The following ITGBL1 variants were observed in gnomAD, a reference collection of about 807,000 sequenced individuals.
ITGBL1 encodes the protein integrin subunit beta like 1.
A neutral mutation model predicts 68.5 loss-of-function variants in ITGBL1; 51 were observed. The observed-to-expected ratio is 0.74, with a 90% CI of 0.59 to 0.94. The LOEUF is 0.94. Among genes scored for constraint, ITGBL1 ranks in the 40% least tolerant of loss-of-function variants. The probability of loss-of-function intolerance (pLI) is 0.00; values close to 1 mark genes in which losing one functional copy is unlikely to be tolerated. For synonymous variants in ITGBL1, 209 were observed against 227.3 expected, an observed-to-expected ratio of 0.92 and a Z score of 0.72; for missense variants, 649 against 647.4, an observed-to-expected ratio of 1.00 and a Z score of -0.03.
intron 9 of ITGBL1, chr13:101,711,808 T>C (rs2034480744): frequency 6.6e-6 from 1 of 152,198 alleles, no homozygotes; most frequent in African/African-American, 2.4e-5. Context: ...GGGAACATTC[T>C]CAAGGGTCCT....
At chr13:101,467,793 C>T (rs888319351) in intron 2 of ITGBL1, among the ~76,000 whole-genome samples, 1 of 152,144 alleles carries the variant, frequency 6.6e-6, no homozygotes, top group African/African-American at 2.4e-5. Flanking sequence ...AGTTCAAACA[C>T]CGAATTATTT....
chr13:101,606,661 G>A (rs1247703211), intron 7 of ITGBL1, among the ~76,000 whole-genome samples: 3 of 151,978 alleles, frequency 2.0e-5, no homozygotes, highest in Admixed American at 6.6e-5. Flanking sequence ...GCTATAAGAA[G>A]CAGTGAAAAA....
At chr13:101,503,830 A>G (rs1321593287) in intron 2 of ITGBL1, among the ~76,000 whole-genome samples, 1 of 152,216 alleles carries the variant, frequency 6.6e-6, no homozygotes, top group Non-Finnish European at 1.5e-5. Flanking sequence ...GTTAAAGATG[A>G]TGATGTTTTG....
chr13:101,612,208 G>T (rs556975951), intron 7 of ITGBL1, among the ~76,000 whole-genome samples: 1 of 152,124 alleles, frequency 6.6e-6, no homozygotes, highest in Non-Finnish European at 1.5e-5. Flanking sequence ...TGTGGATGTT[G>T]GTAAATAATA....
chr13:101,531,395 A>G (rs1378783216), intron 2 of ITGBL1, among the ~76,000 whole-genome samples: 2 of 152,084 alleles, frequency 1.3e-5, no homozygotes, highest in African/African-American at 4.8e-5. Context: ...CAGTTCTTAA[A>G]TATTTATCCA....
At chr13:101,559,263 A>G (rs1360658309) in intron 2 of ITGBL1, among the ~76,000 whole-genome samples, 1 of 152,192 alleles carries the variant, frequency 6.6e-6, no homozygotes. Context: ...CAATTTGAAA[A>G]TACTACTTTG....
chr13:101,704,795 A>G (rs1460603556), intron 8 of ITGBL1, among the ~76,000 whole-genome samples: 2 of 152,318 alleles, frequency 1.3e-5, no homozygotes, highest in Non-Finnish European at 2.9e-5. Context: ...TCACATGTTT[A>G]CATGCATGCT....
intron 2 of ITGBL1, among the ~76,000 whole-genome samples, chr13:101,542,334 A>G (rs2049723144): frequency 6.6e-6 from 1 of 152,194 alleles, no homozygotes; most frequent in Admixed American, 6.5e-5. Context: ...ATTCAGGAGC[A>G]GGTTGTTCAG....
chr13:101,620,094 G>A (rs182099042), intron 7 of ITGBL1, among the ~76,000 whole-genome samples: 13 of 152,002 alleles, frequency 8.6e-5, no homozygotes, highest in Non-Finnish European at 1.8e-4. Context: ...CTATTTAAAT[G>A]GCCCATGAAC....
At chr13:101,550,600 A>G (rs1224751045) in intron 2 of ITGBL1, among the ~76,000 whole-genome samples, 1 of 152,198 alleles carries the variant, frequency 6.6e-6, no homozygotes, top group Non-Finnish European at 1.5e-5. Context: ...GTTTGAAAGT[A>G]AGGTGAAATC....
chr13:101,574,251 G>C (rs953797500), intron 3 of ITGBL1, among the ~76,000 whole-genome samples: 1 of 5,316 alleles, frequency 1.9e-4, no homozygotes, highest in Non-Finnish European at 9.7e-4. Context: ...CACTTTTCAT[G>C]CTGTTCTCAT....
intron 7 of ITGBL1, among the ~76,000 whole-genome samples, chr13:101,655,488 G>A (rs1281197980): frequency 6.6e-6 from 1 of 152,110 alleles, no homozygotes; most frequent in East Asian, 1.9e-4. Flanking sequence ...ATAACACAGG[G>A]GAACCACAGC....
intron 2 of ITGBL1, among the ~76,000 whole-genome samples, chr13:101,555,203 A>C (rs548467214): frequency 6.6e-6 from 1 of 152,326 alleles, no homozygotes; most frequent in East Asian, 1.9e-4. Flanking sequence ...AGCTTACATC[A>C]ATTCAAAACT....
intron 8 of ITGBL1, among the ~76,000 whole-genome samples, chr13:101,702,393 T>C (rs2034156677): frequency 6.6e-6 from 1 of 152,194 alleles, no homozygotes; most frequent in Non-Finnish European, 1.5e-5. Context: ...TCTTTTCTTA[T>C]GACCAATTTA....
intron 6 of ITGBL1, among the ~76,000 whole-genome samples, chr13:101,589,943 G>A (rs536239569): frequency 1.7e-4 from 26 of 152,222 alleles, no homozygotes; most frequent in African/African-American, 5.1e-4. Flanking sequence ...ATCAGAAATA[G>A]CAATGGGATA....
At chr13:101,453,279 A>AG (rs1440196015) in intron 1 of ITGBL1, among the ~76,000 whole-genome samples, 1 of 152,226 alleles carries the variant, frequency 6.6e-6, no homozygotes, top group Non-Finnish European at 1.5e-5. Flanking sequence ...CAGCAACAGG[A>AG]GGTCTGTGTT....
intron 2 of ITGBL1, among the ~76,000 whole-genome samples, chr13:101,535,334 C>T (rs2049554288): frequency 6.6e-6 from 1 of 152,054 alleles, no homozygotes; most frequent in Admixed American, 6.6e-5. Context: ...GATGAGGCTT[C>T]ACCCACTCTT....
intron 7 of ITGBL1, among the ~76,000 whole-genome samples, chr13:101,647,535 G>A (rs1440272516): frequency 6.6e-6 from 1 of 152,210 alleles, no homozygotes; most frequent in Admixed American, 6.5e-5. Context: ...AAGGCAGCCA[G>A]TGCTTGAGAA....
At chr13:101,558,440 G>A (rs1446943754) in intron 2 of ITGBL1, among the ~76,000 whole-genome samples, 1 of 152,162 alleles carries the variant, frequency 6.6e-6, no homozygotes, top group Non-Finnish European at 1.5e-5. Context: ...TAACAAACAT[G>A]CACTGCTACC....
Sources: gnomAD v4.1 joint callset for allele counts (sites outside exome capture counted in the v4.1 genomes callset) on GRCh38, gnomAD v4.1.1 for gene constraint, MANE v1.5 for transcripts, NCBI Gene and HGNC (gene_info 2026-07-23, HGNC 2026-07-21) for gene names.